The following IRGM variants were observed in gnomAD, a reference collection of about 807,000 sequenced individuals.
IRGM encodes the protein immunity related GTPase M, also known as immunity-related GTPase family M protein.
For synonymous variants in IRGM, 98 were observed against 80.6 expected (o/e 1.22, Z -1.16); for missense variants, 288 against 219.9 (o/e 1.31, Z -1.96).
At chr5:150,853,852 T>C (rs79946494) in intron 1 of IRGM, among the ~76,000 whole-genome samples, 5,929 of 152,172 alleles carry the variant, frequency 0.039, 193 homozygotes, top group East Asian at 0.18. Context: ...CATATAATTG[T>C]ATCACATCTC....
At chr5:150,861,072 C>T (rs748337512) in intron 1 of IRGM, among the ~76,000 whole-genome samples, 1 of 152,156 alleles carries the variant, frequency 6.6e-6, no homozygotes, top group Admixed American at 6.5e-5. Flanking sequence ...TAGTTGGCCT[C>T]ACCTAGGTAG....
At chr5:150,859,131 C>A (rs1754099884) in intron 1 of IRGM, among the ~76,000 whole-genome samples, 1 of 152,138 alleles carries the variant, frequency 6.6e-6, no homozygotes, top group Non-Finnish European at 1.5e-5. Context: ...GAGTTTTTAG[C>A]ATGAAGCGTT....
At chr5:150,898,090 T>C (rs1158705877) in intron 3 of IRGM, 6 of 1,613,192 alleles carry the variant, frequency 3.7e-6, no homozygotes, top group South Asian at 1.1e-5. Flanking sequence ...GATATTCATC[T>C]GGATAGATCC....
chr5:150,859,137 G>A (rs529378973), intron 1 of IRGM, among the ~76,000 whole-genome samples: 1 of 152,288 alleles, frequency 6.6e-6, no homozygotes, highest in South Asian at 2.1e-4. Context: ...TTAGCATGAA[G>A]CGTTGTTGAA....
intron 1 of IRGM, among the ~76,000 whole-genome samples, chr5:150,869,018 A>G (rs1337170119): frequency 6.6e-6 from 1 of 152,056 alleles, no homozygotes; most frequent in African/African-American, 2.4e-5. Flanking sequence ...TTCCAGTACT[A>G]TGTTTAATAG....
At chr5:150,858,631 A>G (rs979391360) in intron 1 of IRGM, among the ~76,000 whole-genome samples, 1 of 151,926 alleles carries the variant, frequency 6.6e-6, no homozygotes, top group Non-Finnish European at 1.5e-5. Flanking sequence ...CTCCTTGAAG[A>G]GGTCCTTCAC....
chr5:150,868,375 C>A (rs10476754), intron 1 of IRGM, among the ~76,000 whole-genome samples: 3 of 152,036 alleles, frequency 2.0e-5, no homozygotes, highest in Non-Finnish European at 4.4e-5. Context: ...ATGACTGTAG[C>A]CTTATAGTAT....
At chr5:150,861,529 G>A (rs1225370281) in intron 1 of IRGM, among the ~76,000 whole-genome samples, 1 of 152,194 alleles carries the variant, frequency 6.6e-6, no homozygotes, top group Non-Finnish European at 1.5e-5. Context: ...CAATGTAAGA[G>A]ATTACCACCA....
In IRGM at chr5:150,896,235, G is replaced by C. The variant is rs1413791431; in HGVS notation, c.*141-4354G>C. On this transcript the variant is annotated intron_variant and NMD_transcript_variant, in intron 3 of 3. Transcript: ENST00000520549. ...ATGTATAATAAGGGACGATTTCTGA[G>C]AGAAGGCTTTTCCACATTCAGAACA... The C allele has an allele frequency of 6.2e-7, 1 of 1,613,670 alleles. No individual in the cohort carries two copies.
intron 1 of IRGM, among the ~76,000 whole-genome samples, chr5:150,873,779 T>C (rs576259174): frequency 6.6e-6 from 1 of 152,222 alleles, no homozygotes; most frequent in South Asian, 2.1e-4. Context: ...GCTATTATGG[T>C]GGGAAAGACC....
chr5:150,871,885 C>T lies in IRGM; in HGVS notation c.159-6095C>T, dbSNP rs142170470. 3.8e-3 allele frequency among the ~76,000 whole-genome samples: 578 copies of T among 152,306 alleles called. 3 individuals carry two copies. The highest frequency in any genetic ancestry group is 0.013 in the African/African-American group (547 of 41,574). On this transcript the variant is annotated intron_variant and NMD_transcript_variant, in intron 1 of 3. Transcript: ENST00000520549. ...GATTAAGTGTGGGCTCTGCCCGGAG[C>T]TCATTGATCCAGTTAAAAGATAGGT...
intron 1 of IRGM, among the ~76,000 whole-genome samples, chr5:150,858,275 A>G (rs1440116955): frequency 6.6e-6 from 1 of 151,950 alleles, no homozygotes; most frequent in African/African-American, 2.4e-5. Flanking sequence ...GTTCTGTTCC[A>G]TTGGTCTATA....
At chr5:150,896,604 GGTT>G (rs752704479) in intron 3 of IRGM, 20 of 1,613,628 alleles carry the variant, frequency 1.2e-5, no homozygotes, top group Non-Finnish European at 1.6e-5. Context: ...ACTCTGATCA[GGTT>G]TTTTTCTTGA....
At chr5:150,858,185 C>A (rs1754085393) in intron 1 of IRGM, among the ~76,000 whole-genome samples, 1 of 151,874 alleles carries the variant, frequency 6.6e-6, no homozygotes, top group Admixed American at 6.6e-5. Flanking sequence ...AATAGGGAAT[C>A]CTTTCCCCAT....
downstream of IRGM, among the ~76,000 whole-genome samples, chr5:150,901,804 ATAT>A (rs1411357719): frequency 1.3e-5 from 2 of 152,122 alleles, no homozygotes; most frequent in African/African-American, 4.8e-5. Flanking sequence ...CCACAAGGAA[ATAT>A]TATGCATCTG....
At chr5:150,856,642 T>C (rs950780898) in intron 1 of IRGM, among the ~76,000 whole-genome samples, 3 of 151,160 alleles carry the variant, frequency 2.0e-5, no homozygotes, top group Non-Finnish European at 4.4e-5. Flanking sequence ...GCTGCAGTTT[T>C]TTTATTTTTC....
rs554503701 is a variant in IRGM at position 150,895,054 on chromosome 5, G to A, written c.*141-5535G>A. On this transcript the variant is annotated intron_variant and NMD_transcript_variant, in intron 3 of 3. Coordinates refer to the IRGM transcript ENST00000520549. ...ATTGTTTACTTAAGCTTTCTTCCAC[G>A]TCTTTTATAGAAAAATTAGTTTATG... is the stretch of plus-strand genomic sequence containing the variant. 10 of 166,774 alleles carry A rather than the reference G, an allele frequency of 6.0e-5. No individual in the cohort carries two copies. In the South Asian group the frequency reaches 1.1e-3, roughly 19 times the overall value. The allele number at this position is 166,774 out of a possible 1,614,324, so 10.3% of individuals were successfully genotyped here.
At chr5:150,886,111 A>C (rs1754518367) in intron 3 of IRGM, among the ~76,000 whole-genome samples, 1 of 149,196 alleles carries the variant, frequency 6.7e-6, no homozygotes, top group African/African-American at 2.6e-5. Flanking sequence ...TTTTAAGATG[A>C]AAGCATGTTG....
intron 3 of IRGM, chr5:150,894,821 T>C (rs1384461918): frequency 1.3e-5 from 2 of 152,138 alleles, no homozygotes; most frequent in Non-Finnish European, 2.9e-5. Flanking sequence ...TTGGGAAGAG[T>C]AAAAGGGAGA....
Sources: gnomAD v4.1 joint callset for allele counts (sites outside exome capture counted in the v4.1 genomes callset) on GRCh38, gnomAD v4.1.1 for gene constraint, MANE v1.5 for transcripts, NCBI Gene and HGNC (gene_info 2026-07-23, HGNC 2026-07-21) for gene names.